Variants in LITAF observed in about 807,000 individuals in gnomAD.
LITAF encodes the protein lipopolysaccharide-induced tumor necrosis factor-alpha factor.
Under a neutral mutation model 14.5 loss-of-function variants are expected in LITAF, and 9 were observed. That is an observed-to-expected ratio of 0.62 (90% CI 0.37 to 1.08). LITAF has a LOEUF of 1.08. LITAF is among the 50% of genes least tolerant of loss of function. LITAF has a pLI of 0.01. For missense variants in LITAF, 206 were observed against 213.4 expected (o/e 0.97, Z 0.22); for synonymous variants, 98 against 88.2 (o/e 1.11, Z -0.62).
chr16:11,550,716 G>C (rs1218490446), intron 3 of LITAF, among the ~76,000 whole-genome samples: 1 of 151,676 alleles, frequency 6.6e-6, no homozygotes, highest in Admixed American at 6.6e-5. Flanking sequence ...GGCTGGTCTT[G>C]AACTGCTGGC....
intron 1 of LITAF, among the ~76,000 whole-genome samples, chr16:11,573,701 C>CTTTT (rs58695999): frequency 8.9e-6 from 1 of 111,932 alleles, no homozygotes. Flanking sequence ...AGAAGATATC[C>CTTTT]TTTTTTTTTT....
intron 1 of LITAF, among the ~76,000 whole-genome samples, chr16:11,576,554 A>AAAAGACAG (rs1555469756): frequency 8.7e-4 from 101 of 116,656 alleles, no homozygotes; most frequent in African/African-American, 3.0e-3. Flanking sequence ...AAAAAAAAAA[A>AAAAGACAG]AGAGAGAGAG....
chr16:11,559,218 T>C (rs1244412981), intron 1 of LITAF, among the ~76,000 whole-genome samples: 1 of 152,152 alleles, frequency 6.6e-6, no homozygotes, highest in Non-Finnish European at 1.5e-5. Flanking sequence ...ATCATGCCAC[T>C]GCACTCTAGC....
upstream of LITAF, among the ~76,000 whole-genome samples, chr16:11,638,082 A>T (rs1427623243): frequency 7.8e-6 from 1 of 128,502 alleles, no homozygotes; most frequent in Non-Finnish European, 1.5e-5. Flanking sequence ...ATATATCTAT[A>T]TCTATCTATC....
intron 1 of LITAF, among the ~76,000 whole-genome samples, chr16:11,567,769 G>A (rs577156903): frequency 1.3e-5 from 2 of 152,240 alleles, no homozygotes; most frequent in Admixed American, 6.5e-5. Context: ...CGGATCACTG[G>A]AGGTCAGGAG....
At chr16:11,584,726 C>A (rs8050192) in intron 1 of LITAF, among the ~76,000 whole-genome samples, 1 of 152,024 alleles carries the variant, frequency 6.6e-6, no homozygotes, top group Admixed American at 6.6e-5. Flanking sequence ...GCTTTTTCGC[C>A]GGTGTGTGTT....
chr16:11,621,348 G>A (rs1229140585), intron 3 of LITAF, among the ~76,000 whole-genome samples: 1 of 152,204 alleles, frequency 6.6e-6, no homozygotes, highest in Non-Finnish European at 1.5e-5. Context: ...ATAGGCATGA[G>A]CCACTGCACC....
intron 3 of LITAF, among the ~76,000 whole-genome samples, chr16:11,631,848 CTTTTCTTTT>C (rs1206866323): frequency 7.0e-6 from 1 of 142,592 alleles, no homozygotes. Flanking sequence ...ATTTTCTTTT[CTTTTCTTTT>C]TTTTTTTTTT....
intron 3 of LITAF, among the ~76,000 whole-genome samples, chr16:11,627,300 G>A (rs2065089931): frequency 1.3e-5 from 2 of 152,182 alleles, no homozygotes; most frequent in Admixed American, 6.5e-5. Context: ...GAGCTGCCCA[G>A]CACCATCTTT....
chr16:11,606,239 G>A (rs2064954395), intron 3 of LITAF, among the ~76,000 whole-genome samples: 1 of 151,928 alleles, frequency 6.6e-6, no homozygotes, highest in Admixed American at 6.6e-5. Context: ...CATGATCTCG[G>A]CTCACTTCAA....
Position 11,594,693 on chromosome 16 carries a change from T to C in LITAF, c.-6+3695A>G, listed in dbSNP as rs554420993. On this transcript the variant is annotated intron_variant, in intron 1 of 3. Coordinates refer to the LITAF transcript ENST00000571627. ...GAGTTTGAGACCAGCGTGGTCAGCATAGTGAAACCCTGTCTCTACTAAAAA... is the reference window on the plus strand; with the variant it reads ...GAGTTTGAGACCAGCGTGGTCAGCACAGTGAAACCCTGTCTCTACTAAAAA... Among the ~76,000 whole-genome samples, 19 of 152,032 alleles carry C rather than the reference T, an allele frequency of 1.2e-4. No individual in the cohort carries two copies. The South Asian group carries it at 3.7e-3, about 30-fold the overall frequency.
chr16:11,573,182 G>A (rs992974709), intron 1 of LITAF, among the ~76,000 whole-genome samples: 6 of 152,056 alleles, frequency 3.9e-5, no homozygotes, highest in Admixed American at 6.6e-5. Flanking sequence ...CGCCTGCCTC[G>A]GCCTCCCAAA....
chr16:11,554,303 T>C lies in LITAF; in HGVS notation c.221-614A>G, dbSNP rs77615378. Among the ~76,000 whole-genome samples the C allele has an allele frequency of 8.5e-3, 1,296 of 152,206 alleles. 6 individuals are homozygous for C. Among genetic ancestry groups the C allele is most frequent in the South Asian group, 0.023 (109 of 4,828 alleles). On this transcript the variant is annotated intron_variant, in intron 2 of 3. Coordinates refer to ENST00000622633, the MANE Select transcript of LITAF (RefSeq NM_001136472.2). ...GCTCTTGATAAATAATCCACTCTCT[T>C]TACACAAACCCTTTGATAAACTCTG...
intron 3 of LITAF, among the ~76,000 whole-genome samples, chr16:11,614,976 C>T (rs2065008213): frequency 6.6e-6 from 1 of 152,160 alleles, no homozygotes; most frequent in Admixed American, 6.5e-5. Flanking sequence ...TCAGATGGGG[C>T]CGGGTCTGAG....
At chr16:11,598,979 C>A (rs1027544670), upstream of LITAF, among the ~76,000 whole-genome samples, 3 of 151,814 alleles carry the variant, frequency 2.0e-5, no homozygotes, top group East Asian at 5.8e-4. Flanking sequence ...GCCACCACTT[C>A]TGGCTGATTT....
chr16:11,611,515 C>T (rs561788642), intron 3 of LITAF, among the ~76,000 whole-genome samples: 134 of 152,304 alleles, frequency 8.8e-4, no homozygotes, highest in Non-Finnish European at 1.4e-3. Context: ...CTAAATCTAG[C>T]AGCCTTTCCC....
At chr16:11,615,186 C>T (rs912937251) in intron 3 of LITAF, among the ~76,000 whole-genome samples, 15 of 152,152 alleles carry the variant, frequency 9.9e-5, no homozygotes, top group African/African-American at 3.1e-4. Context: ...GGAAGAAAAG[C>T]GACACCCAGA....
rs181284859 is a variant in LITAF, at chr16:11,553,303, C to T, written c.377+230G>A. 2.3e-4 allele frequency: 118 copies of T among 515,840 alleles called. No individual in the cohort carries two copies. Among genetic ancestry groups the T allele is most frequent in the Non-Finnish European group, 3.4e-4 (96 of 282,044 alleles). The allele number at this position is 515,840 out of a possible 1,614,324, so 32.0% of individuals were successfully genotyped here. A position where few individuals can be genotyped will look rare whatever the true frequency, so the allele number is the denominator to read the frequency against. ...GTGCACCCCTATAATCCCAGCTACA[C>T]GGGACGCTAAGGCAGGAGAATCGTT... is the stretch of plus-strand genomic sequence containing the variant. On this transcript the variant is annotated intron_variant, in intron 3 of 3. Coordinates refer to ENST00000622633, the MANE Select transcript of LITAF (RefSeq NM_001136472.2). The surrounding 1 kb of genome is among the most constrained non-coding windows in gnomAD (Gnocchi z 7.7).
At chr16:11,573,634 T>C (rs1010299034) in intron 1 of LITAF, among the ~76,000 whole-genome samples, 2 of 151,874 alleles carry the variant, frequency 1.3e-5, no homozygotes, top group Non-Finnish European at 2.9e-5. Context: ...TATACTATCA[T>C]GTTTAATGAG....
Sources: allele counts gnomAD v4.1 joint callset (sites outside exome capture counted in the v4.1 genomes callset), GRCh38; gene constraint gnomAD v4.1.1; non-coding constraint Gnocchi (gnomAD v3.1); transcripts MANE v1.5; gene names NCBI Gene and HGNC (gene_info 2026-07-23, HGNC 2026-07-21).